RUNX1T1: variants seen among roughly 807,000 people sequenced by gnomAD.
RUNX1T1 encodes RUNX1 partner transcriptional co-repressor 1.
Under a neutral mutation model 62.8 loss-of-function variants are expected in RUNX1T1, and 4 were observed. The ratio of observed to expected loss-of-function variants is 0.06; its 90% CI spans 0.03 to 0.15. The LOEUF is 0.15. Ranked by LOEUF, RUNX1T1 falls within the 10% of genes least tolerant of loss-of-function variation. The probability of loss-of-function intolerance (pLI) is 1.00; values close to 1 mark genes in which losing one functional copy is unlikely to be tolerated. For synonymous variants in RUNX1T1, 291 were observed against 286.0 expected, an observed-to-expected ratio of 1.02 and a Z score of -0.18; for missense variants, 508 against 754.3, an observed-to-expected ratio of 0.67 and a Z score of 3.82.
chr8:92,004,616 A>G (rs1157016736), intron 5 of RUNX1T1: 4 of 152,458 alleles, frequency 2.6e-5, no homozygotes, highest in African/African-American at 9.7e-5. Flanking sequence ...CACTCAGTTC[A>G]TCTAGTGTCC....
chr8:91,978,684 G>T (rs1204240257), intron 8 of RUNX1T1, among the ~76,000 whole-genome samples: 4 of 152,084 alleles, frequency 2.6e-5, no homozygotes, highest in Non-Finnish European at 4.4e-5. Context: ...TTTCTTAGAT[G>T]ACACTTTCAA....
chr8:92,022,419 C>T (rs11997971), intron 1 of RUNX1T1, among the ~76,000 whole-genome samples: 1,522 of 152,158 alleles, frequency 0.01, 26 homozygotes, highest in African/African-American at 0.032. Context: ...GAATGTTTCC[C>T]AAAATTCATG....
chr8:91,960,631 G>C, intron 10 of RUNX1T1, 114 bp from the exon 12 acceptor site: 1 of 1,156,218 alleles, frequency 8.6e-7, no homozygotes. Context: ...TATACAGTCA[G>C]GATGAAAAAT....
At chr8:92,091,984 G>T (rs888068869) in intron 1 of RUNX1T1, among the ~76,000 whole-genome samples, 2 of 152,154 alleles carry the variant, frequency 1.3e-5, no homozygotes, top group African/African-American at 4.8e-5. Context: ...TGTGAAGAGT[G>T]TGTCTAGCAA....
At chr8:92,101,545 T>A (rs745629760), upstream of RUNX1T1, among the ~76,000 whole-genome samples, 1 of 152,112 alleles carries the variant, frequency 6.6e-6, no homozygotes, top group Non-Finnish European at 1.5e-5. Context: ...TGGTGCCCAG[T>A]CTTCAAGGGT....
At chr8:92,102,254 G>A (rs1435885199), upstream of RUNX1T1, among the ~76,000 whole-genome samples, 1 of 152,164 alleles carries the variant, frequency 6.6e-6, no homozygotes, top group Non-Finnish European at 1.5e-5. This position sits in a 1 kb window ranked among gnomAD's most constrained non-coding sequence, Gnocchi z 4.5. Context: ...ACGGCCAGGA[G>A]TAACAAGGAA....
intron 1 of RUNX1T1, among the ~76,000 whole-genome samples, chr8:92,043,764 G>C (rs1402321522): frequency 6.6e-6 from 1 of 151,928 alleles, no homozygotes; most frequent in African/African-American, 2.4e-5. Context: ...ATCACCTGAG[G>C]TCAGAAGTTC....
chr8:91,979,537 G>C (rs1022859341), intron 8 of RUNX1T1, among the ~76,000 whole-genome samples: 1 of 151,884 alleles, frequency 6.6e-6, no homozygotes, highest in Admixed American at 6.6e-5. Flanking sequence ...ACTACTGAAA[G>C]ATGAAAACAT....
chr8:92,003,237 C>T, intron 5 of RUNX1T1: 1 of 411,498 alleles, frequency 2.4e-6, no homozygotes, highest in Non-Finnish European at 4.9e-6. Context: ...AACAAGAATG[C>T]TGAGCCTCTG....
chr8:91,956,771 T>C (rs979412515), downstream of RUNX1T1: 7 of 219,702 alleles, frequency 3.2e-5, no homozygotes, highest in Admixed American at 1.7e-4. Context: ...TTTTTCACAA[T>C]GTCGCAGAAC....
At chr8:91,965,752 C>T (rs1811454523) in intron 10 of RUNX1T1, among the ~76,000 whole-genome samples, 2 of 152,146 alleles carry the variant, frequency 1.3e-5, no homozygotes, top group Admixed American at 1.3e-4. Context: ...CCAAACCCCA[C>T]AGACTACTTC....
chr8:92,057,924 C>T lies in RUNX1T1; in HGVS notation c.7+4622G>A, dbSNP rs1169072119. On this transcript the variant is annotated intron_variant, in intron 1 of 10. Transcript: ENST00000396218. ...AATCTAATAAAAACCAAAATGAATGCCCTATCCTTAGTATAAGAAGAACAA... is the reference window on the plus strand; with the variant it reads ...AATCTAATAAAAACCAAAATGAATGTCCTATCCTTAGTATAAGAAGAACAA... 2.6e-5 allele frequency among the ~76,000 whole-genome samples: 4 copies of T among 152,106 alleles called. No homozygotes were observed. In the East Asian group the frequency reaches 7.7e-4, roughly 29 times the overall value.
At chr8:91,974,181 C>A (rs1480107818) in intron 9 of RUNX1T1, among the ~76,000 whole-genome samples, 1 of 151,978 alleles carries the variant, frequency 6.6e-6, no homozygotes, top group African/African-American at 2.4e-5. Flanking sequence ...TAACAATATG[C>A]CATGTAGGAA....
exon 3 of RUNX1T1, chr8:92,014,747 C>T: frequency 6.2e-7 from 1 of 1,613,970 alleles, no homozygotes; most frequent in East Asian, 2.2e-5. Flanking sequence ...AAGAGGAAGG[C>T]CCATTGCTGA....
rs368877965 is a variant in RUNX1T1 at position 92,036,712 on chromosome 8, T to C, written c.8-19349A>G. Among the ~76,000 whole-genome samples the C allele has an allele frequency of 1.1e-3, 175 of 152,304 alleles. 1 individual carries two copies. The highest frequency in any genetic ancestry group is 4.0e-3 in the African/African-American group (168 of 41,572). On this transcript the variant is annotated intron_variant, in intron 1 of 10. Transcript: ENST00000396218. The stretch of plus-strand genomic sequence containing the variant: ...AAGAACAATAACTTACTTGTACAAG[T>C]TTGGGCTTCAAGAAAACACTAGATT...
At chr8:92,018,494 G>A (rs184627282) in intron 1 of RUNX1T1, among the ~76,000 whole-genome samples, 1 of 152,218 alleles carries the variant, frequency 6.6e-6, no homozygotes, top group Non-Finnish European at 1.5e-5. Context: ...CACACCCAAC[G>A]TATTTTGAGG....
At chr8:92,077,483 C>T (rs921066666) in intron 1 of RUNX1T1, among the ~76,000 whole-genome samples, 2 of 151,956 alleles carry the variant, frequency 1.3e-5, no homozygotes, top group African/African-American at 2.4e-5. Flanking sequence ...GTAAATACAT[C>T]TAGATGTTAA....
chr8:92,099,417 T>C (rs1837938988), intron 1 of RUNX1T1, among the ~76,000 whole-genome samples: 1 of 152,194 alleles, frequency 6.6e-6, no homozygotes, highest in Non-Finnish European at 1.5e-5. Context: ...CATTCCATAA[T>C]AAATAACTTC....
chr8:91,991,664 G>T, exon 6 of RUNX1T1: 10 of 1,613,956 alleles, frequency 6.2e-6, no homozygotes, highest in Non-Finnish European at 8.5e-6. Flanking sequence ...TGTCCCTGAG[G>T]TCCCTGTGGC....
Sources: allele counts gnomAD v4.1 joint callset (sites outside exome capture counted in the v4.1 genomes callset), GRCh38; gene constraint gnomAD v4.1.1; non-coding constraint Gnocchi (gnomAD v3.1); transcripts MANE v1.5; gene names NCBI Gene and HGNC (gene_info 2026-07-23, HGNC 2026-07-21).